GALNT18: variants seen among roughly 807,000 people sequenced by gnomAD.
GALNT18 encodes GalNAc-transferase 18.
Under a neutral mutation model 69.5 loss-of-function variants are expected in GALNT18, and 44 were observed. That is an observed-to-expected ratio of 0.63 (90% confidence interval 0.50 to 0.81). The LOEUF (loss-of-function observed/expected upper bound fraction) is 0.81, where lower values mean the gene tolerates loss of function less well. Ranked by LOEUF, GALNT18 falls within the 40% of genes least tolerant of loss-of-function variation. The probability of loss-of-function intolerance (pLI) is 0.00; values close to 1 mark genes in which losing one functional copy is unlikely to be tolerated. For missense variants in GALNT18, 715 were observed against 810.0 expected, an observed-to-expected ratio of 0.88 and a Z score of 1.42; for synonymous variants, 364 against 318.2, an observed-to-expected ratio of 1.14 and a Z score of -1.53.
intron 3 of GALNT18, among the ~76,000 whole-genome samples, chr11:11,405,408 T>A (rs1220845507): frequency 6.6e-6 from 1 of 152,190 alleles, no homozygotes; most frequent in African/African-American, 2.4e-5. Flanking sequence ...CAAAGTGAAT[T>A]TGAAGTGGCT....
intron 1 of GALNT18, among the ~76,000 whole-genome samples, chr11:11,455,851 G>T (rs932583475): frequency 9.2e-5 from 14 of 152,214 alleles, no homozygotes; most frequent in African/African-American, 2.9e-4. Context: ...CACTTTGGGA[G>T]GCCAAGGTGG....
intron 10 of GALNT18, among the ~76,000 whole-genome samples, chr11:11,285,265 G>A (rs1849171776): frequency 6.6e-6 from 1 of 152,112 alleles, no homozygotes; most frequent in Admixed American, 6.5e-5. Flanking sequence ...AGGATTCCCA[G>A]ATCTGATTTT....
chr11:11,567,235 G>C (rs1048168774), intron 1 of GALNT18, among the ~76,000 whole-genome samples: 2 of 152,262 alleles, frequency 1.3e-5, no homozygotes, highest in Middle Eastern at 3.4e-3. Flanking sequence ...TGCTGACAAA[G>C]GTTAGCAGCA....
At chr11:11,286,939 T>C (rs543323707) in intron 10 of GALNT18, among the ~76,000 whole-genome samples, 41 of 152,210 alleles carry the variant, frequency 2.7e-4, no homozygotes, top group African/African-American at 9.2e-4. Context: ...AATTTCAGGG[T>C]CCATAAGCCC....
chr11:11,362,712 C>A (rs1850671422), intron 6 of GALNT18, among the ~76,000 whole-genome samples: 2 of 152,116 alleles, frequency 1.3e-5, no homozygotes, highest in Non-Finnish European at 2.9e-5. Context: ...AGAAGACAGG[C>A]ACCTTCATCA....
At chr11:11,359,805 A>G (rs12363580) in intron 6 of GALNT18, among the ~76,000 whole-genome samples, 24 of 152,176 alleles carry the variant, frequency 1.6e-4, no homozygotes, top group Non-Finnish European at 2.6e-4. Context: ...AAAACAACAC[A>G]ACCTAGTGAT....
intron 1 of GALNT18, among the ~76,000 whole-genome samples, chr11:11,568,915 A>G (rs570989400): frequency 1.3e-5 from 2 of 152,294 alleles, no homozygotes; most frequent in East Asian, 1.9e-4. Flanking sequence ...GTTTTGATCT[A>G]CTGTACAAAT....
rs895256677 is a variant in GALNT18, at chr11:11,591,420, T to G, written c.235+29939A>C. Among the ~76,000 whole-genome samples, 3 of 152,182 alleles carry G rather than the reference T, an allele frequency of 2.0e-5. No individual in the cohort carries two copies. The highest frequency in any genetic ancestry group is 7.2e-5 in the African/African-American group (3 of 41,462). On this transcript the variant is annotated intron_variant, in intron 1 of 10. Coordinates refer to ENST00000227756, the MANE Select transcript of GALNT18 (RefSeq NM_198516.3). This position sits in a 1 kb window ranked among gnomAD's most constrained non-coding sequence, Gnocchi z 4.8. ...TTGGCTCATGGTTGACTTTACTGGA[T>G]GAGCCTCACTGCGTTCCTTCTCATC...
chr11:11,376,955 G>A (rs370303152), intron 5 of GALNT18, among the ~76,000 whole-genome samples: 39 of 152,140 alleles, frequency 2.6e-4, no homozygotes, highest in Non-Finnish European at 5.3e-4. Flanking sequence ...CCCAGCAGAC[G>A]TCTCACAGTG....
In GALNT18 at chr11:11,327,118, T is replaced by C; in HGVS notation, c.1480A>G (p.Ile494Val). Residue 494 changes from isoleucine to valine, a missense_variant, in exon 9 of 11, where the codon ATC becomes GTC. Coordinates refer to ENST00000227756, the MANE Select transcript of GALNT18 (RefSeq NM_198516.3). ...GTCATCCCATGGCAGATGTACATGA[T>C]GGGGACATTCTCTGTATCTGGCCCC... ...DQGPDTENVP[I>V]MYICHGMTPQ... 1 of 1,613,976 alleles carries C rather than the reference T, an allele frequency of 6.2e-7. No homozygotes were observed. The highest frequency in any genetic ancestry group is 1.7e-4 in the Middle Eastern group (1 of 6,060).
At chr11:11,274,169 T>TC (rs1190299896) in intron 10 of GALNT18, among the ~76,000 whole-genome samples, 3 of 152,206 alleles carry the variant, frequency 2.0e-5, no homozygotes, top group Non-Finnish European at 4.4e-5. Context: ...ACTGTGCTTT[T>TC]CCCACGGTCT....
intron 9 of GALNT18, among the ~76,000 whole-genome samples, chr11:11,299,235 C>T (rs1849451561): frequency 6.6e-6 from 1 of 152,182 alleles, no homozygotes; most frequent in South Asian, 2.1e-4. Flanking sequence ...ACCTCCGCCT[C>T]CCAGGTTCAA....
At chr11:11,342,576 G>A (rs567813794) in intron 6 of GALNT18, among the ~76,000 whole-genome samples, 1 of 152,322 alleles carries the variant, frequency 6.6e-6, no homozygotes, top group East Asian at 1.9e-4. Context: ...GGAGTTGGAA[G>A]GTGGCTTACT....
intron 6 of GALNT18, among the ~76,000 whole-genome samples, chr11:11,365,928 G>A (rs1352440845): frequency 6.6e-6 from 1 of 152,126 alleles, no homozygotes; most frequent in Non-Finnish European, 1.5e-5. Flanking sequence ...CTGTCCCCTC[G>A]AAGCAAAGGT....
At chr11:11,442,790 G>A (rs1213375289) in intron 2 of GALNT18, among the ~76,000 whole-genome samples, 4 of 152,202 alleles carry the variant, frequency 2.6e-5, no homozygotes, top group East Asian at 1.9e-4. Context: ...CTAGCCCCAC[G>A]CCCTAACCCA....
At position 11,606,600 on chromosome 11, in the gene GALNT18, G is replaced by A. The variant is rs530022347; in HGVS notation, c.235+14759C>T. 1.3e-5 allele frequency among the ~76,000 whole-genome samples: 2 copies of A among 152,272 alleles called. No homozygotes were observed. The highest frequency in any genetic ancestry group is 4.1e-4 in the South Asian group (2 of 4,828). ...AGCATCACTAGGAGCTGTTGGACCC[G>A]AAGTCAGGCTCTGGTCAGCAGGCCA... On this transcript the variant is annotated intron_variant, in intron 1 of 10. Transcript: ENST00000227756. The surrounding 1 kb of genome is among the most constrained non-coding windows in gnomAD (Gnocchi z 5.4).
chr11:11,507,281 A>G, intron 1 of GALNT18, among the ~76,000 whole-genome samples: 1 of 152,246 alleles, frequency 6.6e-6, no homozygotes, highest in East Asian at 1.9e-4. Context: ...TTATATCAGG[A>G]ATATTTAATT....
chr11:11,381,072 T>C (rs1417742158), intron 3 of GALNT18, among the ~76,000 whole-genome samples: 2 of 152,178 alleles, frequency 1.3e-5, no homozygotes, highest in African/African-American at 2.4e-5. Context: ...AGATCTCCAA[T>C]TGCTGCAGCT....
At position 11,496,890 on chromosome 11, in the gene GALNT18, A is replaced by G. The variant is rs1250411522; in HGVS notation, c.236-47954T>C. On this transcript the variant is annotated intron_variant, in intron 1 of 10. Transcript: ENST00000227756. The surrounding 1 kb of genome is among the most constrained non-coding windows in gnomAD (Gnocchi z 4.0). ...ACCACAGTAACCAGAGTGAACTTCT[A>G]GAAACACAAATCAGATCACATCACA... Among the ~76,000 whole-genome samples the G allele has an allele frequency of 6.6e-6, 1 of 152,150 alleles. No homozygotes were observed. Among genetic ancestry groups the G allele is most frequent in the African/African-American group, 2.4e-5 (1 of 41,424 alleles).
Sources: allele counts gnomAD v4.1 joint callset (sites outside exome capture counted in the v4.1 genomes callset), GRCh38; gene constraint gnomAD v4.1.1; non-coding constraint Gnocchi (gnomAD v3.1); transcripts MANE v1.5; gene names NCBI Gene and HGNC (gene_info 2026-07-23, HGNC 2026-07-21).